The following IRAG1 variants were observed in gnomAD, a reference collection of about 807,000 sequenced individuals.
IRAG1 encodes IP3R-associated cGMP kinase substrate.
Under a neutral mutation model 106.2 loss-of-function variants are expected in IRAG1, and 62 were observed. That is an observed-to-expected ratio of 0.58 (90% CI 0.48 to 0.72). IRAG1 has a LOEUF of 0.72. Among genes scored for constraint, IRAG1 ranks in the 30% least tolerant of loss-of-function variants. The pLI, the probability that IRAG1 is intolerant of heterozygous loss-of-function variation, is 0.00. For missense variants in IRAG1, 1,064 were observed against 1,140.7 expected (o/e 0.93, Z 0.97); for synonymous variants, 462 against 443.9 (o/e 1.04, Z -0.51).
At chr11:10,619,595 A>G (rs1283934468) in intron 10 of IRAG1, among the ~76,000 whole-genome samples, 13 of 152,200 alleles carry the variant, frequency 8.5e-5, no homozygotes. Context: ...AGAATATCCC[A>G]TTTGGTTGGC....
chr11:10,602,379 C>A (rs776927877), intron 14 of IRAG1, among the ~76,000 whole-genome samples: 1 of 152,208 alleles, frequency 6.6e-6, no homozygotes, highest in Non-Finnish European at 1.5e-5. Context: ...CTGTGACCAT[C>A]CTCATTTTAT....
rs772857577 is a variant in IRAG1 at position 10,626,323 on chromosome 11, C to A, written c.1011G>T (p.Thr337=). Residue 337 remains threonine, a synonymous_variant, in exon 9 of 21, where the codon ACG becomes ACT. Transcript: ENST00000423302. ...TCGGCAGAGGGCTGCCCTCCCAGCC[C>A]GTTTTCAAGAGCTGCTTCCCCAGCT... ...ESELGKQLLK[T]GWEGSPLPRS... is the part of the protein sequence containing the mutation. 1.2e-6 allele frequency: 2 copies of A among 1,613,348 alleles called. No individual in the cohort carries two copies. Among genetic ancestry groups the A allele is most frequent in the Non-Finnish European group, 1.7e-6 (2 of 1,179,628 alleles).
At chr11:10,577,948 C>T (rs1182823687) in intron 20 of IRAG1, among the ~76,000 whole-genome samples, 2 of 152,204 alleles carry the variant, frequency 1.3e-5, no homozygotes, top group Non-Finnish European at 1.5e-5. Context: ...GTTATTTTCT[C>T]TCAGCCCTTT....
chr11:10,577,229 A>T (rs1435355776), intron 20 of IRAG1, among the ~76,000 whole-genome samples: 1 of 151,744 alleles, frequency 6.6e-6, no homozygotes, highest in Non-Finnish European at 1.5e-5. Context: ...TCATGATGTT[A>T]TCTCAACCTC....
Position 10,591,571 on chromosome 11 carries a change from T to C in IRAG1, c.2217A>G (p.Ser739=), listed in dbSNP as rs1399693013. The change falls in exon 18 of 21, where the codon TCA becomes TCG. Residue 739 remains serine, a synonymous_variant. Coordinates refer to ENST00000423302, the MANE Select transcript of IRAG1 (RefSeq NM_130385.4). ...PNGKGSLPVT[S]ALPALLENGK... The stretch of plus-strand genomic sequence containing the variant: ...ACTTTTCCAAAAGTGCAGGCAGTGC[T>C]GAAGTGACAGGTAGGCTGCCTTTCC... The C allele has an allele frequency of 6.3e-7, 1 of 1,598,398 alleles. No homozygotes were observed. The highest frequency in any genetic ancestry group is 8.5e-7 in the Non-Finnish European group (1 of 1,172,400).
chr11:10,649,767 C>T (rs1564928116), intron 2 of IRAG1, among the ~76,000 whole-genome samples: 1 of 152,108 alleles, frequency 6.6e-6, no homozygotes, highest in African/African-American at 2.4e-5. Context: ...TTGCCTGCCA[C>T]AAAGTTGAGA....
chr11:10,581,986 A>G lies in IRAG1; in HGVS notation c.2241T>C (p.Asn747=), dbSNP rs756010465. The G allele has an allele frequency of 6.2e-7, 1 of 1,612,924 alleles. No homozygotes were observed. Among genetic ancestry groups the G allele is most frequent in the South Asian group, 1.1e-5 (1 of 90,942 alleles). ...VTSALPALLE[N]GKTNGDPDCE... Reference sequence around the variant, plus strand: ...AATCTGGGTCCCCATTTGTCTTTCCACTAGTGAGAAGAGGGAAGTACAGGG... The same window carrying G: ...AATCTGGGTCCCCATTTGTCTTTCCGCTAGTGAGAAGAGGGAAGTACAGGG... Residue 747 remains asparagine, a splice_region_variant and synonymous_variant, in exon 19 of 21, where the codon AAT becomes AAC. Transcript: ENST00000423302.
chr11:10,604,335 A>G (rs1217237404), intron 13 of IRAG1, 70 bp downstream of exon 13: 32 of 1,589,564 alleles, frequency 2.0e-5, no homozygotes, highest in Non-Finnish European at 2.7e-5. Flanking sequence ...TGAGAGAAGC[A>G]TGACACCCTG....
intron 18 of IRAG1, among the ~76,000 whole-genome samples, chr11:10,583,785 T>C (rs1851640471): frequency 6.6e-6 from 1 of 152,140 alleles, no homozygotes; most frequent in Non-Finnish European, 1.5e-5. Context: ...TCCTTGTTTG[T>C]AACAAAGGTA....
At chr11:10,635,733 C>G (rs1017449617) in intron 2 of IRAG1, among the ~76,000 whole-genome samples, 6 of 152,226 alleles carry the variant, frequency 3.9e-5, no homozygotes, top group Admixed American at 3.9e-4. Context: ...TCATTTTCAT[C>G]TCTTCCCTTC....
intron 3 of IRAG1, among the ~76,000 whole-genome samples, chr11:10,632,319 G>A (rs1180343619): frequency 6.6e-6 from 1 of 151,692 alleles, no homozygotes; most frequent in East Asian, 1.9e-4. Context: ...CCAAGTATCT[G>A]AGACTACAGG....
intron 1 of IRAG1, among the ~76,000 whole-genome samples, chr11:10,656,618 T>C (rs551101600): frequency 6.6e-6 from 1 of 152,358 alleles, no homozygotes; most frequent in South Asian, 2.1e-4. Flanking sequence ...CATCGGACAC[T>C]ATGCTAAATG....
chr11:10,643,827 C>T (rs770987117), intron 2 of IRAG1, among the ~76,000 whole-genome samples: 1 of 152,180 alleles, frequency 6.6e-6, no homozygotes. Context: ...GTCTGTGGCC[C>T]GCAAGTAGCT....
At chr11:10,629,325 C>G (rs1280523738) in intron 5 of IRAG1, among the ~76,000 whole-genome samples, 1 of 152,196 alleles carries the variant, frequency 6.6e-6, no homozygotes. Context: ...CAAAGACCAT[C>G]TCCTCTTCCC....
chr11:10,649,863 G>A (rs1858320880), intron 2 of IRAG1, among the ~76,000 whole-genome samples: 1 of 152,120 alleles, frequency 6.6e-6, no homozygotes, highest in African/African-American at 2.4e-5. Context: ...GCCAGAACCA[G>A]ACTCTTATTA....
chr11:10,610,294 T>C (rs879443874), intron 10 of IRAG1, among the ~76,000 whole-genome samples: 2 of 152,268 alleles, frequency 1.3e-5, no homozygotes, highest in South Asian at 4.1e-4. Flanking sequence ...TTATGTATCC[T>C]ACTTAGAAAT....
rs773760936 is a variant in IRAG1 at position 10,601,053 on chromosome 11, G to A, written c.1882C>T (p.Arg628Cys). 3 of 1,613,864 alleles carry A rather than the reference G, an allele frequency of 1.9e-6. No individual in the cohort carries two copies. Among genetic ancestry groups the A allele is most frequent in the South Asian group, 1.1e-5 (1 of 91,088 alleles). ...EVVGAVRQEK[R>C]MSKATEVMMQ... ...ATCACTTCCGTTGCTTTCGACATGC[G>A]CTTTTCCTGCGGGGAAGGAGCGCAT... Residue 628 changes from arginine (R) to cysteine (C), a missense_variant, in exon 15 of 21, where the codon CGC becomes TGC. By Grantham distance (180) the Arg-to-Cys change is radical. Coordinates refer to ENST00000423302, the MANE Select transcript of IRAG1 (RefSeq NM_130385.4).
intron 2 of IRAG1, among the ~76,000 whole-genome samples, chr11:10,634,719 G>A (rs1023246819): frequency 6.8e-6 from 1 of 147,128 alleles, no homozygotes; most frequent in African/African-American, 2.5e-5. Flanking sequence ...CAAAAGGTGA[G>A]ATTTCCTTCT....
Position 10,576,258 on chromosome 11 carries a change from C to T in IRAG1, c.*74G>A. The stretch of plus-strand genomic sequence containing the variant: ...GGGCGGCAGTGTGTCCACACTTGGG[C>T]CTGACGTTATACTTGGGGAAAGGGT... On this transcript the variant is annotated 3_prime_UTR_variant, in exon 21 of 21. Coordinates refer to ENST00000423302, the MANE Select transcript of IRAG1 (RefSeq NM_130385.4). 3 of 1,589,910 alleles carry T rather than the reference C, an allele frequency of 1.9e-6. No homozygotes were observed. Among genetic ancestry groups the T allele is most frequent in the African/African-American group, 1.3e-5 (1 of 74,594 alleles).
Sources: allele counts gnomAD v4.1 joint callset (sites outside exome capture counted in the v4.1 genomes callset), GRCh38; gene constraint gnomAD v4.1.1; transcripts MANE v1.5; gene names NCBI Gene and HGNC (gene_info 2026-07-23, HGNC 2026-07-21).